The following SLC2A5 variants were observed in gnomAD, a reference collection of about 807,000 sequenced individuals.
The protein encoded by SLC2A5 is solute carrier family 2 member 5.
SLC2A5 carries 56 observed loss-of-function variants against 50.3 expected under a neutral mutation model. The observed-to-expected ratio is 1.11, with a 90% CI of 0.90 to 1.39. The LOEUF is 1.39. Among genes scored for constraint, SLC2A5 ranks in the 40% most tolerant of loss-of-function variants. SLC2A5 has a pLI of 0.00. For synonymous variants in SLC2A5, 269 were observed against 281.9 expected, an observed-to-expected ratio of 0.95 and a Z score of 0.46; for missense variants, 566 against 650.1, an observed-to-expected ratio of 0.87 and a Z score of 1.41.
intron 1 of SLC2A5, among the ~76,000 whole-genome samples, chr1:9,066,879 G>A (rs1642096218): frequency 6.6e-6 from 1 of 151,916 alleles, no homozygotes; most frequent in Admixed American, 6.6e-5. Flanking sequence ...TCGGGAGGCT[G>A]AGGTGGGAGG....
At chr1:9,063,682 T>C (rs111908456) in intron 1 of SLC2A5, among the ~76,000 whole-genome samples, 1 of 12,390 alleles carries the variant, frequency 8.1e-5, no homozygotes, top group Non-Finnish European at 1.3e-4. Context: ...TATTATTTAC[T>C]TTTTTTTTTT....
intron 2 of SLC2A5, among the ~76,000 whole-genome samples, chr1:9,079,318 G>T (rs570137616): frequency 1.3e-5 from 2 of 152,188 alleles, no homozygotes; most frequent in South Asian, 4.2e-4. Flanking sequence ...ACCAAGAACA[G>T]AATTTGACCT....
At chr1:9,045,730 T>A (rs910718481) in intron 4 of SLC2A5, among the ~76,000 whole-genome samples, 1 of 151,160 alleles carries the variant, frequency 6.6e-6, no homozygotes, top group Non-Finnish European at 1.5e-5. Context: ...ATTAGCTGGG[T>A]GTGGTGGCGG....
chr1:9,091,485 G>A (rs1642462204), upstream of SLC2A5, among the ~76,000 whole-genome samples: 1 of 152,132 alleles, frequency 6.6e-6, no homozygotes, highest in African/African-American at 2.4e-5. Flanking sequence ...ACCTCTTCAA[G>A]TATTTCCTTC....
At chr1:9,072,796 C>CAAAAAAA (rs59542603), upstream of SLC2A5, among the ~76,000 whole-genome samples, 1,995 of 124,088 alleles carry the variant, frequency 0.016, 30 homozygotes, top group African/African-American at 0.039. Context: ...CTAAAAATGC[C>CAAAAAAA]AAAAAAAAAA....
rs891805837 is a variant in SLC2A5, at chr1:9,040,352, G to A, written c.572-163C>T. 4 of 810,496 alleles carry A rather than the reference G, an allele frequency of 4.9e-6. No individual in the cohort carries two copies. Among genetic ancestry groups the A allele is most frequent in the Non-Finnish European group, 7.5e-6 (4 of 530,086 alleles). 50.2% of individuals were successfully genotyped at this position (810,496 alleles called of 1,614,324 possible). ...AGCAACTCCCGACGGTGGACACTCGGGAAACACCTGCAGCAGGGATCAGCA... is the reference window on the plus strand; with the variant it reads ...AGCAACTCCCGACGGTGGACACTCGAGAAACACCTGCAGCAGGGATCAGCA... On this transcript the variant is annotated intron_variant, in intron 5 of 11. Transcript: ENST00000377424. This position sits in a 1 kb window ranked among gnomAD's most constrained non-coding sequence, Gnocchi z 4.3.
At chr1:9,042,405 GTA>G (rs140230747) in intron 4 of SLC2A5, among the ~76,000 whole-genome samples, 4,350 of 152,028 alleles carry the variant, frequency 0.029, 106 homozygotes, top group Middle Eastern at 0.051. Context: ...CTAAAAATAT[GTA>G]TATGTGTGTG....
At chr1:9,051,224 A>AAAGG (rs958607150) in intron 3 of SLC2A5, among the ~76,000 whole-genome samples, 2 of 151,972 alleles carry the variant, frequency 1.3e-5, no homozygotes, top group Non-Finnish European at 1.5e-5. Flanking sequence ...GAAAAAAAGA[A>AAAGG]AAGGAAGGAA....
Position 9,041,678 on chromosome 1 carries a change from C to T in SLC2A5, c.571+107G>A, listed in dbSNP as rs778248985. ...AGGACATCCAGCCTGTTAGAAGAGA[C>T]CAGTCTGCAGAAAGTCCTGTCCTGT... On this transcript the variant is annotated intron_variant, in intron 5 of 11. Transcript: ENST00000377424. The T allele has an allele frequency of 6.3e-6, 10 of 1,592,354 alleles. No homozygotes were observed. The Admixed American group carries it at 1.4e-4, about 22-fold the overall frequency.
chr1:9,066,845 C>G (rs1006854033), intron 1 of SLC2A5, among the ~76,000 whole-genome samples: 3 of 151,756 alleles, frequency 2.0e-5, no homozygotes, highest in African/African-American at 7.3e-5. Context: ...AAGGGTGGTG[C>G]TACATGCCTG....
rs190757175 is a variant in SLC2A5 at position 9,057,728 on chromosome 1, G to A, written c.133-120C>T. The A allele has an allele frequency of 4.3e-4, 336 of 788,398 alleles. 1 individual carries two copies. The highest frequency in any genetic ancestry group is 6.6e-4 in the Admixed American group (25 of 38,062). 48.8% of individuals were successfully genotyped at this position (788,398 alleles called of 1,614,324 possible). ...CACACAGAGACCAACCTTATTAACC[G>A]GGGGGTGATGGGAGGCAGGACAGAG... On this transcript the variant is annotated intron_variant, in intron 2 of 11. Transcript: ENST00000377424.
At chr1:9,088,265 C>G (rs1346926033) in intron 1 of SLC2A5, 1 of 152,248 alleles carries the variant, frequency 6.6e-6, no homozygotes, top group Non-Finnish European at 1.5e-5. Context: ...ATATTCTCAA[C>G]TCTCTGCATC....
At chr1:9,091,630 C>A (rs190026274), upstream of SLC2A5, among the ~76,000 whole-genome samples, 394 of 152,210 alleles carry the variant, frequency 2.6e-3, 2 homozygotes, top group Non-Finnish European at 4.4e-3. Context: ...CCACTCTTAC[C>A]TTCAATGCCA....
chr1:9,093,934 CA>C, the SLC2A5 span, among the ~76,000 whole-genome samples: 1 of 152,084 alleles, frequency 6.6e-6, no homozygotes, highest in African/African-American at 2.4e-5. Context: ...ATCCCATTTC[CA>C]GGGCAGATCA....
chr1:9,064,594 G>T (rs1642033595), intron 1 of SLC2A5, among the ~76,000 whole-genome samples: 1 of 152,120 alleles, frequency 6.6e-6, no homozygotes, highest in South Asian at 2.1e-4. Flanking sequence ...CCCTTTAAAT[G>T]ACCGGGCCAG....
chr1:9,038,287 C>A, intron 10 of SLC2A5, 144 bp downstream of exon 10: 1 of 707,714 alleles, frequency 1.4e-6, no homozygotes, highest in Admixed American at 2.3e-5. Flanking sequence ...CATTATGTGC[C>A]ACCCACCCCC....
the SLC2A5 span, among the ~76,000 whole-genome samples, chr1:9,093,917 G>A: frequency 2.3e-4 from 35 of 152,198 alleles, no homozygotes; most frequent in African/African-American, 5.5e-4. Context: ...CATGCTGGTC[G>A]GCAATTATCC....
upstream of SLC2A5, chr1:9,069,652 T>C: frequency 9.2e-7 from 1 of 1,090,822 alleles, no homozygotes; most frequent in South Asian, 1.3e-5. Flanking sequence ...TAACAGCCAA[T>C]AGCATTTTTA....
chr1:9,051,042 A>G (rs1225889934), intron 3 of SLC2A5, among the ~76,000 whole-genome samples: 1 of 152,198 alleles, frequency 6.6e-6, no homozygotes, highest in Admixed American at 6.5e-5. Flanking sequence ...TAGTAGGTCA[A>G]TTCACAAAGA....
Sources: gnomAD v4.1 joint callset for allele counts (sites outside exome capture counted in the v4.1 genomes callset) on GRCh38, gnomAD v4.1.1 for gene constraint, Gnocchi (gnomAD v3.1) non-coding constraint, MANE v1.5 for transcripts, NCBI Gene and HGNC (gene_info 2026-07-23, HGNC 2026-07-21) for gene names.